The following MEI4 variants were observed in gnomAD, a reference collection of about 807,000 sequenced individuals.
The protein encoded by MEI4 is meiotic double-stranded break formation protein 4.
A neutral mutation model predicts 31.4 loss-of-function variants in MEI4; 27 were observed. The ratio of observed to expected loss-of-function variants is 0.86; its 90% CI spans 0.63 to 1.19. The LOEUF is 1.19. Ranked by LOEUF, MEI4 falls within the 50% of genes most tolerant of loss-of-function variation. The pLI, the probability that MEI4 is intolerant of heterozygous loss-of-function variation, is 0.00. For missense variants in MEI4, 329 were observed against 398.9 expected (o/e 0.82, Z 1.49); for synonymous variants, 122 against 145.4 (o/e 0.84, Z 1.16).
At chr6:77,709,047 C>A (rs1039224276) in intron 2 of MEI4, among the ~76,000 whole-genome samples, 2 of 152,170 alleles carry the variant, frequency 1.3e-5, no homozygotes, top group Non-Finnish European at 2.9e-5. Flanking sequence ...CATACCTTTT[C>A]TGCCTCTATG....
chr6:77,714,764 C>G (rs1019548799), intron 2 of MEI4, among the ~76,000 whole-genome samples: 16 of 152,150 alleles, frequency 1.1e-4, no homozygotes, highest in African/African-American at 3.1e-4. Context: ...TGCCTCTGTG[C>G]CCTCATCTGT....
rs1163822787 is a variant in MEI4 at position 77,924,492 on chromosome 6, A to G, written c.*1146A>G. On this transcript the variant is annotated 3_prime_UTR_variant, in exon 5 of 5. Coordinates refer to ENST00000684080, the MANE Select transcript of MEI4 (RefSeq NM_001322247.2). The stretch of plus-strand genomic sequence containing the variant: ...ATAGATAATCAATCACAAAATATCT[A>G]TCAGTGGCATACAACAATAATATTT... 1 of 149,246 alleles carries G rather than the reference A, an allele frequency of 6.7e-6. No individual in the cohort carries two copies. Among genetic ancestry groups the G allele is most frequent in the East Asian group, 1.9e-4 (1 of 5,154 alleles). 9.2% of individuals were successfully genotyped at this position (149,246 alleles called of 1,614,324 possible). A position where few individuals can be genotyped will look rare whatever the true frequency, so the allele number is the denominator to read the frequency against.
intron 2 of MEI4, among the ~76,000 whole-genome samples, chr6:77,735,058 G>T (rs985384069): frequency 6.6e-6 from 1 of 151,992 alleles, no homozygotes; most frequent in African/African-American, 2.4e-5. Flanking sequence ...CTCTCTGGCT[G>T]CCCTTAACGT....
At chr6:77,887,409 G>A (rs564930529) in intron 4 of MEI4, among the ~76,000 whole-genome samples, 173 of 152,088 alleles carry the variant, frequency 1.1e-3, no homozygotes, top group Admixed American at 2.3e-3. Flanking sequence ...TGATTCTCCT[G>A]CCTTAGCCTC....
Position 77,862,057 on chromosome 6 carries a change from A to G in MEI4, c.900+32995A>G, listed in dbSNP as rs542521430. On this transcript the variant is annotated intron_variant, in intron 4 of 4. Transcript: ENST00000684080. ...TCAAAAGCCTTGGTAGATCCACAGC[A>G]AAGAATTAAAAAAAAAAAAAAATGG... is the stretch of plus-strand genomic sequence containing the variant. Among the ~76,000 whole-genome samples the G allele has an allele frequency of 2.3e-3, 212 of 90,402 alleles. 1 individual carries two copies. The highest frequency in any genetic ancestry group is 0.012 in the African/African-American group (186 of 15,970). 59.3% of individuals were successfully genotyped at this position (90,402 alleles called of 152,430 possible).
intron 4 of MEI4, among the ~76,000 whole-genome samples, chr6:77,919,219 C>G (rs1766641892): frequency 6.6e-6 from 1 of 151,932 alleles, no homozygotes; most frequent in African/African-American, 2.4e-5. Context: ...CACACCACAC[C>G]TATTCCAAAA....
chr6:77,857,422 A>G (rs1426856240), intron 4 of MEI4, among the ~76,000 whole-genome samples: 3 of 152,284 alleles, frequency 2.0e-5, no homozygotes, highest in East Asian at 3.9e-4. Context: ...CTTTGATAAA[A>G]ATTTTCCATT....
At chr6:77,672,596 G>A (rs1768766297) in intron 1 of MEI4, among the ~76,000 whole-genome samples, 1 of 152,176 alleles carries the variant, frequency 6.6e-6, no homozygotes, top group African/African-American at 2.4e-5. Context: ...CTGGAGTGCA[G>A]TGTCTCAGTC....
At chr6:77,880,887 A>G (rs1165608687) in intron 4 of MEI4, among the ~76,000 whole-genome samples, 1 of 142,502 alleles carries the variant, frequency 7.0e-6, no homozygotes, top group Non-Finnish European at 1.5e-5. Flanking sequence ...CTCTGGATCT[A>G]AAAAAAAAAA....
Position 77,688,522 on chromosome 6 carries a change from T to C in MEI4, c.-14-2136T>C, listed in dbSNP as rs143180465. Among the ~76,000 whole-genome samples the C allele has an allele frequency of 2.7e-3, 412 of 152,260 alleles. 1 individual carries two copies. Among genetic ancestry groups the C allele is most frequent in the African/African-American group, 9.7e-3 (405 of 41,574 alleles). On this transcript the variant is annotated intron_variant, in intron 1 of 4. Coordinates refer to ENST00000684080, the MANE Select transcript of MEI4 (RefSeq NM_001322247.2). ...ATTTTAAGACTATTAACAAATCATA[T>C]GCAACAACTTAAAAATCAGAACATT...
intron 3 of MEI4, among the ~76,000 whole-genome samples, chr6:77,821,372 A>G (rs1769819744): frequency 6.6e-6 from 1 of 152,170 alleles, no homozygotes; most frequent in Non-Finnish European, 1.5e-5. Flanking sequence ...GTTTTCCTCA[A>G]GAGTGGTTTT....
intron 3 of MEI4, among the ~76,000 whole-genome samples, chr6:77,818,597 AT>A (rs1171754059): frequency 1.3e-5 from 2 of 151,876 alleles, no homozygotes; most frequent in African/African-American, 4.8e-5. Flanking sequence ...CATAGTTCAC[AT>A]TTTTTTCTAT....
intron 1 of MEI4, among the ~76,000 whole-genome samples, chr6:77,672,471 G>A (rs1198408451): frequency 6.6e-6 from 1 of 152,170 alleles, no homozygotes; most frequent in Non-Finnish European, 1.5e-5. Context: ...AAATAACAAA[G>A]CATTGCAAAT....
At chr6:77,668,113 A>G (rs1331967259) in intron 1 of MEI4, among the ~76,000 whole-genome samples, 3 of 152,030 alleles carry the variant, frequency 2.0e-5, no homozygotes, top group Admixed American at 6.6e-5. Flanking sequence ...TGAATGTTTA[A>G]TACTGGGTGT....
At position 77,858,106 on chromosome 6, in the gene MEI4, A is replaced by G. The variant is rs1513024; in HGVS notation, c.900+29044A>G. Among the ~76,000 whole-genome samples the G allele has an allele frequency of 9.0e-3, 1,375 of 152,330 alleles. 17 individuals are homozygous for G. The highest frequency in any genetic ancestry group is 0.031 in the African/African-American group (1,275 of 41,576). Reference sequence around the variant, plus strand: ...ACAATGAATGAAGTCTTCCATCTAAAATTACACAATAGTTTCAGTTATCTA... The same window carrying G: ...ACAATGAATGAAGTCTTCCATCTAAGATTACACAATAGTTTCAGTTATCTA... On this transcript the variant is annotated intron_variant, in intron 4 of 4. Transcript: ENST00000684080.
At chr6:77,669,541 A>C (rs1444416335) in intron 1 of MEI4, among the ~76,000 whole-genome samples, 1 of 152,086 alleles carries the variant, frequency 6.6e-6, no homozygotes, top group Non-Finnish European at 1.5e-5. Flanking sequence ...CATGTAATTG[A>C]CTATGCTGTA....
intron 1 of MEI4, among the ~76,000 whole-genome samples, chr6:77,689,595 A>G (rs1363559484): frequency 6.6e-6 from 1 of 152,032 alleles, no homozygotes; most frequent in East Asian, 1.9e-4. Flanking sequence ...TTGGGCAGCT[A>G]TATAAGAAAT....
intron 2 of MEI4, among the ~76,000 whole-genome samples, chr6:77,734,081 G>T (rs1460503752): frequency 6.6e-6 from 1 of 151,976 alleles, no homozygotes; most frequent in African/African-American, 2.4e-5. Flanking sequence ...GTGTGGTGTG[G>T]TGCTGAAAAA....
intron 4 of MEI4, among the ~76,000 whole-genome samples, chr6:77,839,280 G>GA (rs1388538048): frequency 6.6e-6 from 1 of 152,070 alleles, no homozygotes; most frequent in Non-Finnish European, 1.5e-5. Context: ...TGAAAACTCA[G>GA]AAAAAATCAG....
Sources: gnomAD v4.1 joint callset for allele counts (sites outside exome capture counted in the v4.1 genomes callset) on GRCh38, gnomAD v4.1.1 for gene constraint, MANE v1.5 for transcripts, NCBI Gene and HGNC (gene_info 2026-07-23, HGNC 2026-07-21) for gene names.